Variants in AHCYL1 observed in about 807,000 individuals in gnomAD.
AHCYL1 encodes the protein S-adenosylhomocysteine hydrolase-like protein 1.
In AHCYL1, 20 loss-of-function variants were observed where a neutral mutation model predicts 79.3. The observed-to-expected ratio is 0.25, with a 90% CI of 0.18 to 0.37. The LOEUF (loss-of-function observed/expected upper bound fraction) is 0.37. AHCYL1 is among the 10% of genes least tolerant of loss of function. AHCYL1 has a pLI of 1.00. For missense variants in AHCYL1, 330 were observed against 673.6 expected, an observed-to-expected ratio of 0.49 and a Z score of 5.65; for synonymous variants, 223 against 242.2, an observed-to-expected ratio of 0.92 and a Z score of 0.74.
Position 110,017,994 on chromosome 1 carries a change from C to A in AHCYL1, c.1101C>A (p.Val367=). Residue 367 remains valine (V), a synonymous_variant, in exon 11 of 17, where the codon GTC becomes GTA. Transcript: ENST00000369799. ...AGCTAAATGAAGTCATCCGGCAAGTCGATGTCGTAATAACTTGCACAGGTA... is the reference window on the plus strand; with the variant it reads ...AGCTAAATGAAGTCATCCGGCAAGTAGATGTCGTAATAACTTGCACAGGTA... ...VVKLNEVIRQ[V]DVVITCTGNK... The A allele has an allele frequency of 6.2e-7, 1 of 1,614,122 alleles. No homozygotes were observed. The highest frequency in any genetic ancestry group is 1.1e-5 in the South Asian group (1 of 91,062).
chr1:109,986,847 C>T (rs866879160), intron 1 of AHCYL1, among the ~76,000 whole-genome samples: 1 of 152,188 alleles, frequency 6.6e-6, no homozygotes, highest in African/African-American at 2.4e-5. Flanking sequence ...ATATTAATTG[C>T]TCACCTGGCT....
chr1:109,998,500 C>T (rs1197430774), intron 1 of AHCYL1, among the ~76,000 whole-genome samples: 1 of 151,914 alleles, frequency 6.6e-6, no homozygotes, highest in African/African-American at 2.4e-5. Flanking sequence ...TTTTTTGAGA[C>T]GGAGTTTCAC....
chr1:109,998,315 T>C (rs1010086397), intron 1 of AHCYL1, among the ~76,000 whole-genome samples: 1 of 152,118 alleles, frequency 6.6e-6, no homozygotes, highest in African/African-American at 2.4e-5. Flanking sequence ...TCTTAAAAAT[T>C]ATAATTAAAA....
At chr1:110,016,851 G>A in intron 9 of AHCYL1, 121 bp downstream of exon 9, 1 of 1,079,164 alleles carries the variant, frequency 9.3e-7, no homozygotes, top group Non-Finnish European at 1.4e-6. Context: ...TTTAGATAAT[G>A]TATCTCAAAC....
chr1:110,021,542 C>A lies in AHCYL1; in HGVS notation c.1587-132C>A, dbSNP rs907634286. On this transcript the variant is annotated intron_variant, in intron 16 of 16. Transcript: ENST00000369799. Reference sequence around the variant, plus strand: ...GTGGAAGAATAAGGGAGACTGGTGCCCTGGGGAATGACTGCAGGGATCCCA... The same window carrying A: ...GTGGAAGAATAAGGGAGACTGGTGCACTGGGGAATGACTGCAGGGATCCCA... 5.4e-6 allele frequency: 4 copies of A among 739,310 alleles called. No homozygotes were observed. In the African/African-American group the frequency reaches 7.3e-5, roughly 13 times the overall value. 45.8% of individuals were successfully genotyped at this position (739,310 alleles called of 1,614,324 possible). A position where few individuals can be genotyped will look rare whatever the true frequency, so the allele number is the denominator to read the frequency against.
At chr1:109,997,937 G>A (rs1454084334) in intron 1 of AHCYL1, among the ~76,000 whole-genome samples, 1 of 152,320 alleles carries the variant, frequency 6.6e-6, no homozygotes, top group East Asian at 1.9e-4. Flanking sequence ...GGCTAAACTT[G>A]TATAAACTCA....
intron 1 of AHCYL1, among the ~76,000 whole-genome samples, chr1:110,007,473 A>G (rs930497681): frequency 9.2e-5 from 14 of 152,264 alleles, no homozygotes; most frequent in African/African-American, 3.1e-4. Flanking sequence ...TCAGTTTCCA[A>G]TTTGTTTATA....
chr1:109,995,328 G>A (rs1649975669), intron 1 of AHCYL1, among the ~76,000 whole-genome samples: 1 of 152,172 alleles, frequency 6.6e-6, no homozygotes, highest in African/African-American at 2.4e-5. Flanking sequence ...ACTCCGCAGC[G>A]AGGGGATTAG....
intron 1 of AHCYL1, among the ~76,000 whole-genome samples, chr1:109,997,977 C>T (rs1158050338): frequency 6.6e-6 from 1 of 152,164 alleles, no homozygotes; most frequent in East Asian, 1.9e-4. Flanking sequence ...CCACAGTCCT[C>T]CCCAGAGGAG....
At chr1:109,989,371 T>C (rs947562765) in intron 1 of AHCYL1, among the ~76,000 whole-genome samples, 99 of 152,206 alleles carry the variant, frequency 6.5e-4, no homozygotes, top group African/African-American at 2.4e-3. Flanking sequence ...AATATAATAT[T>C]CTTTTTTAAA....
Position 110,014,982 on chromosome 1 carries a change from T to G in AHCYL1, c.675+125T>G, listed in dbSNP as rs996455985. ...TGCACTGACTTTGTTGCTAAAGTGTTTAGCTTGATACCTATTCAGAATGGG... is the reference window on the plus strand; with the variant it reads ...TGCACTGACTTTGTTGCTAAAGTGTGTAGCTTGATACCTATTCAGAATGGG... On this transcript the variant is annotated intron_variant, in intron 6 of 16. Transcript: ENST00000369799. The G allele has an allele frequency of 2.2e-5, 19 of 867,946 alleles. No homozygotes were observed. In the East Asian group the frequency reaches 5.0e-4, roughly 23 times the overall value. The allele number at this position is 867,946 out of a possible 1,614,324, so 53.8% of individuals were successfully genotyped here.
In AHCYL1 at chr1:110,019,665, A is replaced by G. The variant is rs1651667054; in HGVS notation, c.1465+39A>G. 4 of 1,566,696 alleles carry G rather than the reference A, an allele frequency of 2.6e-6. No homozygotes were observed. The African/African-American group carries it at 4.1e-5, about 16-fold the overall frequency. ...AGTGGAAATCTATGCAGACAGCTGC[A>G]TAGTTTGGTAAAATGACTGCCATGA... is the stretch of plus-strand genomic sequence containing the variant. On this transcript the variant is annotated intron_variant, in intron 15 of 16. Coordinates refer to ENST00000369799, the MANE Select transcript of AHCYL1 (RefSeq NM_006621.7).
At position 110,022,445 on chromosome 1, in the gene AHCYL1, G is replaced by T. The variant is rs1651865126; in HGVS notation, c.*765G>T. 1 of 152,272 alleles carries T rather than the reference G, an allele frequency of 6.6e-6. No individual in the cohort carries two copies. Among genetic ancestry groups the T allele is most frequent in the Admixed American group, 6.5e-5 (1 of 15,270 alleles). 9.4% of individuals were successfully genotyped at this position (152,272 alleles called of 1,614,324 possible). ...TTAATGCTGAGGAATTGCTTGAGTGGTTAGTTGTTACCAATTTCTCTTTTG... is the reference window on the plus strand; with the variant it reads ...TTAATGCTGAGGAATTGCTTGAGTGTTTAGTTGTTACCAATTTCTCTTTTG... On this transcript the variant is annotated 3_prime_UTR_variant, in exon 17 of 17. Coordinates refer to ENST00000369799, the MANE Select transcript of AHCYL1 (RefSeq NM_006621.7).
At chr1:110,018,224 C>A in intron 11 of AHCYL1, 149 bp from the exon 12 acceptor site, 1 of 889,972 alleles carries the variant, frequency 1.1e-6, no homozygotes. Context: ...ACCAGATAGC[C>A]TAAGGAGCGG....
intron 1 of AHCYL1, among the ~76,000 whole-genome samples, chr1:109,995,026 C>G (rs556453530): frequency 1.3e-5 from 2 of 152,248 alleles, no homozygotes; most frequent in East Asian, 3.9e-4. Flanking sequence ...CACCCCTTCC[C>G]CAAGATTTCC....
chr1:110,015,354 A>G, intron 6 of AHCYL1, 71 bp from the exon 7 acceptor site: 3 of 1,213,774 alleles, frequency 2.5e-6, no homozygotes, highest in Non-Finnish European at 3.7e-6. Flanking sequence ...ACTAGTACAG[A>G]AAGTGGGTTC....
intron 1 of AHCYL1, chr1:110,004,050 T>C: frequency 7.1e-6 from 7 of 985,492 alleles, no homozygotes; most frequent in Middle Eastern, 5.2e-4. Flanking sequence ...CTCAGCAGTT[T>C]GGGGCCTGGT....
intron 8 of AHCYL1, 91 bp from the exon 9 acceptor site, chr1:110,016,576 T>G (rs1651434363): frequency 6.3e-7 from 1 of 1,577,910 alleles, no homozygotes; most frequent in East Asian, 2.2e-5. Context: ...ATTGATATTC[T>G]CATGGGCATT....
chr1:110,018,810 A>T (rs1338711958), intron 13 of AHCYL1, 160 bp downstream of exon 13: 32 of 803,184 alleles, frequency 4.0e-5, no homozygotes, highest in South Asian at 1.6e-4. Flanking sequence ...AAACCACTTT[A>T]AAAAAATCTA....
Sources: gnomAD v4.1 joint callset for allele counts (sites outside exome capture counted in the v4.1 genomes callset) on GRCh38, gnomAD v4.1.1 for gene constraint, MANE v1.5 for transcripts, NCBI Gene and HGNC (gene_info 2026-07-23, HGNC 2026-07-21) for gene names.